The following MDFIC2 variants were observed in gnomAD, a reference collection of about 807,000 sequenced individuals.
MDFIC2 encodes the protein myoD family inhibitor domain-containing protein 2.
chr3:70,199,714 T>C (rs1295679821), intron 3 of MDFIC2, among the ~76,000 whole-genome samples: 2 of 152,202 alleles, frequency 1.3e-5, no homozygotes, highest in Non-Finnish European at 2.9e-5. Context: ...GAAAAGAGCG[T>C]TGGATTTCCT....
chr3:70,197,095 G>A lies in MDFIC2; in HGVS notation c.401C>T (p.Thr134Ile), dbSNP rs1322028929. 2.5e-6 allele frequency: 1 copy of A among 398,562 alleles called. No individual in the cohort carries two copies. The highest frequency in any genetic ancestry group is 4.4e-5 in the Admixed American group (1 of 22,718). 24.7% of individuals were successfully genotyped at this position (398,562 alleles called of 1,614,324 possible). Residue 134 changes from threonine (T) to isoleucine (I), a missense_variant, in exon 4 of 4, where the codon ACC becomes ATC. By Grantham distance (89) the Thr-to-Ile change is moderately conservative. Transcript: ENST00000567252. The part of the protein sequence containing the change: ...MLPGTCETVC[T>I]KMCCPSRRYH... ...CCGGCGAGAGGGGCAGCACATTTTG[G>A]TACACACCGTTTCGCAGGTGCCGGG... is the stretch of plus-strand genomic sequence containing the variant.
At position 70,196,482 on chromosome 3, in the gene MDFIC2, C is replaced by A. The variant is rs1158129003; in HGVS notation, c.*444G>T. ...ACAATACATTATTAATAATAACCAACAATGCATAATGTTTATGCATGAGTC... is the reference window on the plus strand; with the variant it reads ...ACAATACATTATTAATAATAACCAAAAATGCATAATGTTTATGCATGAGTC... On this transcript the variant is annotated 3_prime_UTR_variant, in exon 4 of 4. Coordinates refer to ENST00000567252, the MANE Select transcript of MDFIC2 (RefSeq NM_001364677.1). Among the ~76,000 whole-genome samples, 1 of 152,080 alleles carries A rather than the reference C, an allele frequency of 6.6e-6. No homozygotes were observed. The highest frequency in any genetic ancestry group is 1.5e-5 in the Non-Finnish European group (1 of 68,008).
chr3:70,251,840 T>C (rs758793285), intron 2 of MDFIC2, among the ~76,000 whole-genome samples: 67 of 152,224 alleles, frequency 4.4e-4, no homozygotes, highest in Admixed American at 7.9e-4. Flanking sequence ...AAACTGCAGC[T>C]GACTCATAGA....
At chr3:70,240,630 G>A (rs1489235149) in intron 2 of MDFIC2, among the ~76,000 whole-genome samples, 1 of 151,994 alleles carries the variant, frequency 6.6e-6, no homozygotes, top group African/African-American at 2.4e-5. Context: ...TTCCTTCAGC[G>A]TCAATTATAA....
At chr3:70,246,366 T>C (rs1364623393) in intron 2 of MDFIC2, among the ~76,000 whole-genome samples, 1 of 152,110 alleles carries the variant, frequency 6.6e-6, no homozygotes, top group East Asian at 1.9e-4. Flanking sequence ...TGAACAACAC[T>C]GCTGTTGTAA....
intron 2 of MDFIC2, among the ~76,000 whole-genome samples, chr3:70,281,739 C>T (rs570230262): frequency 2.0e-5 from 3 of 152,154 alleles, no homozygotes; most frequent in South Asian, 2.1e-4. Context: ...TTTGGAATTC[C>T]GATAGAGAAT....
At chr3:70,218,159 T>C (rs887414337) in intron 2 of MDFIC2, among the ~76,000 whole-genome samples, 4 of 152,294 alleles carry the variant, frequency 2.6e-5, no homozygotes, top group African/African-American at 7.2e-5. Flanking sequence ...AGCCCAGTGG[T>C]CTCCAAAGTG....
chr3:70,304,897 T>C (rs907032517), intron 2 of MDFIC2, among the ~76,000 whole-genome samples: 2 of 152,226 alleles, frequency 1.3e-5, no homozygotes, highest in African/African-American at 4.8e-5. Context: ...TTCCCCTTTT[T>C]CGTCATTCCC....
chr3:70,296,971 T>C (rs1311955352), intron 2 of MDFIC2, among the ~76,000 whole-genome samples: 2 of 152,014 alleles, frequency 1.3e-5, no homozygotes, highest in Non-Finnish European at 2.9e-5. Flanking sequence ...CAATATCTGA[T>C]CTAATATCCC....
At chr3:70,240,052 A>G (rs770331432) in intron 2 of MDFIC2, among the ~76,000 whole-genome samples, 5 of 152,128 alleles carry the variant, frequency 3.3e-5, no homozygotes, top group Non-Finnish European at 5.9e-5. Flanking sequence ...TGAGTGCTTC[A>G]ATGCTCAATA....
At chr3:70,290,930 C>A (rs1355697016) in intron 2 of MDFIC2, among the ~76,000 whole-genome samples, 1 of 152,128 alleles carries the variant, frequency 6.6e-6, no homozygotes, top group Admixed American at 6.5e-5. Flanking sequence ...GCGCACGGTG[C>A]GCGCACCCAC....
At chr3:70,234,139 G>A (rs534053076) in intron 2 of MDFIC2, among the ~76,000 whole-genome samples, 21 of 152,286 alleles carry the variant, frequency 1.4e-4, no homozygotes, top group Non-Finnish European at 2.8e-4. Flanking sequence ...ATATCTGAGT[G>A]GGATGTGGAC....
intron 2 of MDFIC2, among the ~76,000 whole-genome samples, chr3:70,218,766 T>A (rs1248397191): frequency 1.3e-5 from 2 of 152,016 alleles, no homozygotes; most frequent in South Asian, 2.1e-4. Flanking sequence ...GAAAAAAAAA[T>A]TCTTCAGCAT....
chr3:70,254,540 C>T (rs1046602678), intron 2 of MDFIC2, among the ~76,000 whole-genome samples: 1 of 152,092 alleles, frequency 6.6e-6, no homozygotes, highest in Non-Finnish European at 1.5e-5. Context: ...GCTTTTGGAA[C>T]AATAAATACA....
intron 3 of MDFIC2, among the ~76,000 whole-genome samples, chr3:70,199,291 G>A (rs1456639196): frequency 6.6e-6 from 1 of 152,068 alleles, no homozygotes; most frequent in Non-Finnish European, 1.5e-5. Context: ...ACAACCTTTT[G>A]GTTCAATTGC....
rs556661794 is a variant in MDFIC2, at chr3:70,310,330, T to A, written c.88+1556A>T. ...CAGAAATAATCATCTTTTTTCTTTTTAAAATAAGTATATTTTTATTATTTT... is the reference window on the plus strand; with the variant it reads ...CAGAAATAATCATCTTTTTTCTTTTAAAAATAAGTATATTTTTATTATTTT... On this transcript the variant is annotated intron_variant, in intron 2 of 3. Transcript: ENST00000567252. Among the ~76,000 whole-genome samples, 583 of 151,976 alleles carry A rather than the reference T, an allele frequency of 3.8e-3. 1 individual carries two copies. Among genetic ancestry groups the A allele is most frequent in the Non-Finnish European group, 5.2e-3 (354 of 67,958 alleles).
intron 2 of MDFIC2, chr3:70,249,076 T>A (rs1701735245): frequency 6.6e-6 from 1 of 152,200 alleles, no homozygotes; most frequent in African/African-American, 2.4e-5. Flanking sequence ...CAAGTCCTTC[T>A]AACCACAAAG....
chr3:70,292,738 C>T (rs866718075), intron 2 of MDFIC2, among the ~76,000 whole-genome samples: 1 of 152,018 alleles, frequency 6.6e-6, no homozygotes, highest in Non-Finnish European at 1.5e-5. Context: ...CACACACACA[C>T]ACATGCACAC....
At chr3:70,310,870 A>C (rs571393176) in intron 2 of MDFIC2, among the ~76,000 whole-genome samples, 1 of 152,266 alleles carries the variant, frequency 6.6e-6, no homozygotes, top group East Asian at 1.9e-4. Context: ...CTGTAGAATC[A>C]CACAAACTGG....
Sources: allele counts gnomAD v4.1 joint callset (sites outside exome capture counted in the v4.1 genomes callset), GRCh38; gene constraint gnomAD v4.1.1; transcripts MANE v1.5; gene names NCBI Gene and HGNC (gene_info 2026-07-23, HGNC 2026-07-21).